The following HS6ST3 variants were observed in gnomAD, a reference collection of about 807,000 sequenced individuals.
The protein encoded by HS6ST3 is heparan-sulfate 6-O-sulfotransferase 3.
In HS6ST3, 12 loss-of-function variants were observed where a neutral mutation model predicts 36.7. That is an observed-to-expected ratio of 0.33 (90% confidence interval 0.21 to 0.53). The LOEUF (loss-of-function observed/expected upper bound fraction) is 0.53, where lower values mean the gene tolerates loss of function less well. Ranked by LOEUF, HS6ST3 falls within the 20% of genes least tolerant of loss-of-function variation. HS6ST3 has a pLI of 0.95. For synonymous variants in HS6ST3, 240 were observed against 257.5 expected (o/e 0.93, Z 0.65); for missense variants, 584 against 640.9 (o/e 0.91, Z 0.96).
intron 1 of HS6ST3, among the ~76,000 whole-genome samples, chr13:96,223,343 C>T (rs1042185478): frequency 6.6e-6 from 1 of 152,178 alleles, no homozygotes; most frequent in Non-Finnish European, 1.5e-5. Context: ...TAGAGGCGTG[C>T]TTGTTGTGTT....
At chr13:96,138,195 C>T (rs2054011991) in intron 1 of HS6ST3, among the ~76,000 whole-genome samples, 1 of 151,986 alleles carries the variant, frequency 6.6e-6, no homozygotes, top group African/African-American at 2.4e-5. Context: ...GTCACTTCCT[C>T]AAATTTATGA....
chr13:96,265,486 A>G (rs1397205228), intron 1 of HS6ST3, among the ~76,000 whole-genome samples: 2 of 152,174 alleles, frequency 1.3e-5, no homozygotes, highest in East Asian at 1.9e-4. Context: ...GATGAGCACA[A>G]CACTGTTGAC....
rs74106479 is a variant in HS6ST3 at position 96,489,329 on chromosome 13, A to G, written c.708-343161A>G. Among the ~76,000 whole-genome samples, 1,389 of 151,950 alleles carry G rather than the reference A, an allele frequency of 9.1e-3. 23 individuals are homozygous for G. The highest frequency in any genetic ancestry group is 0.031 in the African/African-American group (1,297 of 41,482). On this transcript the variant is annotated intron_variant, in intron 1 of 1. Transcript: ENST00000376705. ...GGCTCTGAATCCATCAAGACACACAATAAACTCACAAGAATTTGTGGCAGG... is the reference window on the plus strand; with the variant it reads ...GGCTCTGAATCCATCAAGACACACAGTAAACTCACAAGAATTTGTGGCAGG...
chr13:96,789,578 T>C (rs1877731410), intron 1 of HS6ST3, among the ~76,000 whole-genome samples: 1 of 152,086 alleles, frequency 6.6e-6, no homozygotes, highest in East Asian at 1.9e-4. Context: ...TAAATAACTT[T>C]TTTATTTTAC....
At chr13:96,368,186 G>A (rs1346227200) in intron 1 of HS6ST3, among the ~76,000 whole-genome samples, 1 of 152,036 alleles carries the variant, frequency 6.6e-6, no homozygotes, top group Non-Finnish European at 1.5e-5. Flanking sequence ...CTAACTCTAG[G>A]TTCTTATTCT....
At chr13:96,363,613 T>C (rs1048537002) in intron 1 of HS6ST3, among the ~76,000 whole-genome samples, 4 of 152,186 alleles carry the variant, frequency 2.6e-5, no homozygotes, top group Non-Finnish European at 4.4e-5. Flanking sequence ...TTTAAACACT[T>C]GTGTGGTTAC....
chr13:96,738,655 C>T (rs553599794), intron 1 of HS6ST3, among the ~76,000 whole-genome samples: 48 of 152,058 alleles, frequency 3.2e-4, no homozygotes, highest in South Asian at 4.2e-4. Context: ...GTAAATGTGA[C>T]GAAATACTGA....
chr13:96,264,699 C>T (rs1176928205), intron 1 of HS6ST3, among the ~76,000 whole-genome samples: 2 of 152,122 alleles, frequency 1.3e-5, no homozygotes, highest in African/African-American at 4.8e-5. Context: ...GGGAAGTGAA[C>T]TCTGGGGATC....
At chr13:96,718,976 T>C (rs1875775852) in intron 1 of HS6ST3, among the ~76,000 whole-genome samples, 1 of 152,170 alleles carries the variant, frequency 6.6e-6, no homozygotes, top group Non-Finnish European at 1.5e-5. Context: ...AAATAGCACC[T>C]AAGAAGTTTC....
intron 1 of HS6ST3, among the ~76,000 whole-genome samples, chr13:96,223,765 A>G (rs371063288): frequency 6.6e-6 from 1 of 152,166 alleles, no homozygotes; most frequent in Admixed American, 6.5e-5. Context: ...GTAATAACAT[A>G]TATGTCACAA....
chr13:96,422,030 T>A (rs1174459277), intron 1 of HS6ST3, among the ~76,000 whole-genome samples: 2 of 152,218 alleles, frequency 1.3e-5, no homozygotes, highest in African/African-American at 2.4e-5. Flanking sequence ...ATATTGCACG[T>A]TTCATGCTTC....
chr13:96,758,260 A>G (rs9556623), intron 1 of HS6ST3, among the ~76,000 whole-genome samples: 20,366 of 151,808 alleles, frequency 0.13, 1,717 homozygotes, highest in African/African-American at 0.22. Context: ...TCCATACTGA[A>G]TCTATTTATT....
At chr13:96,178,139 T>C (rs1490569871) in intron 1 of HS6ST3, among the ~76,000 whole-genome samples, 4 of 152,190 alleles carry the variant, frequency 2.6e-5, no homozygotes, top group Non-Finnish European at 5.9e-5. Context: ...GTGGATAGGG[T>C]ACAAGATTGG....
intron 1 of HS6ST3, among the ~76,000 whole-genome samples, chr13:96,413,117 A>T (rs899993513): frequency 6.6e-5 from 10 of 152,092 alleles, no homozygotes; most frequent in Admixed American, 3.9e-4. Context: ...GCACATTCTT[A>T]CTTGAATTGC....
intron 1 of HS6ST3, among the ~76,000 whole-genome samples, chr13:96,523,341 C>T (rs1161346288): frequency 1.3e-5 from 2 of 152,080 alleles, no homozygotes; most frequent in African/African-American, 4.8e-5. Context: ...AATTACGTGT[C>T]TTGGGGTTGC....
chr13:96,710,665 T>G (rs570288276), intron 1 of HS6ST3, among the ~76,000 whole-genome samples: 2 of 152,360 alleles, frequency 1.3e-5, no homozygotes, highest in East Asian at 3.9e-4. Context: ...GCCTGGATAC[T>G]GCGGGAGGAC....
chr13:96,264,161 A>G (rs942167555), intron 1 of HS6ST3, among the ~76,000 whole-genome samples: 2 of 152,154 alleles, frequency 1.3e-5, no homozygotes, highest in Admixed American at 1.3e-4. Flanking sequence ...TTTTAATCTC[A>G]GATAATGCAG....
intron 1 of HS6ST3, among the ~76,000 whole-genome samples, chr13:96,795,835 G>A (rs1877896785): frequency 6.6e-6 from 1 of 152,094 alleles, no homozygotes; most frequent in African/African-American, 2.4e-5. Flanking sequence ...TGCAATTTCT[G>A]CCAAGTGGCA....
chr13:96,322,423 G>T (rs2139415639), intron 1 of HS6ST3, among the ~76,000 whole-genome samples: 1 of 151,886 alleles, frequency 6.6e-6, no homozygotes, highest in South Asian at 2.1e-4. Context: ...CAGGTGTGGT[G>T]GTTCACGCCT....
Sources: allele counts gnomAD v4.1 joint callset (sites outside exome capture counted in the v4.1 genomes callset), GRCh38; gene constraint gnomAD v4.1.1; transcripts MANE v1.5; gene names NCBI Gene and HGNC (gene_info 2026-07-23, HGNC 2026-07-21).